The following DDX51 variants were observed in gnomAD, a reference collection of about 807,000 sequenced individuals.
DDX51 encodes DEAD-box helicase 51, also known as ATP-dependent RNA helicase DDX51.
Under a neutral mutation model 74.6 loss-of-function variants are expected in DDX51, and 67 were observed. The ratio of observed to expected loss-of-function variants is 0.90; its 90% CI spans 0.74 to 1.10. DDX51 has a LOEUF of 1.10. Among genes scored for constraint, DDX51 ranks in the 50% least tolerant of loss-of-function variants. DDX51 has a pLI of 0.00. For synonymous variants in DDX51, 545 were observed against 402.9 expected (o/e 1.35, Z -4.22); for missense variants, 1,056 against 905.2 (o/e 1.17, Z -2.14).
chr12:132,141,635 G>C, intron 6 of DDX51, 29 bp from the exon 7 acceptor site: 1 of 1,546,560 alleles, frequency 6.5e-7, no homozygotes, highest in Non-Finnish European at 8.7e-7. Context: ...CTCGAGAGAA[G>C]GAAGCTTTCT....
At chr12:132,139,446 G>A in intron 14 of DDX51, 148 bp from the exon 15 acceptor site, 2 of 1,511,178 alleles carry the variant, frequency 1.3e-6, no homozygotes. Flanking sequence ...CCTCCCTGGT[G>A]CCACGTGTTT....
rs1385313366 is a variant in DDX51, at chr12:132,138,682, C to T, written c.*590G>A. On this transcript the variant is annotated 3_prime_UTR_variant, in exon 15 of 15. Coordinates refer to ENST00000397333, the MANE Select transcript of DDX51 (RefSeq NM_175066.4). ...TTGCCCAGGCTGGAGTGCAGTGGCG[C>T]AATCTCAGCTCACTGCAACCTCCAC... The T allele has an allele frequency of 4.0e-5, 6 of 149,834 alleles. No homozygotes were observed. The highest frequency in any genetic ancestry group is 1.5e-4 in the African/African-American group (6 of 40,368). The allele number at this position is 149,834 out of a possible 1,614,324, so 9.3% of individuals were successfully genotyped here.
Position 132,140,110 on chromosome 12 carries a change from G to T in DDX51, c.1763C>A (p.Thr588Asn). The change falls in exon 12 of 15, where the codon ACC (threonine) becomes AAC (asparagine). Residue 588 changes from threonine (T) to asparagine (N), a missense_variant. Thr to Asn is a moderately conservative substitution (Grantham distance 65, BLOSUM62 0). Coordinates refer to ENST00000397333, the MANE Select transcript of DDX51 (RefSeq NM_175066.4). Reference sequence around the variant, plus strand: ...CGCCAGCGCTCACCGGTGCACGTAGGTTCTCAGGTACTGGGGGGCGTCGTA... The same window carrying T: ...CGCCAGCGCTCACCGGTGCACGTAGTTTCTCAGGTACTGGGGGGCGTCGTA... ...VNYDAPQYLR[T>N]YVHRVGRTAR... is the part of the protein sequence containing the mutation. 6.2e-7 allele frequency: 1 copy of T among 1,612,810 alleles called. No homozygotes were observed. Among genetic ancestry groups the T allele is most frequent in the Non-Finnish European group, 8.5e-7 (1 of 1,179,960 alleles).
In DDX51 at chr12:132,142,416, G is replaced by C; in HGVS notation, c.677C>G (p.Ala226Gly). 1 of 1,611,986 alleles carries C rather than the reference G, an allele frequency of 6.2e-7. No homozygotes were observed. Residue 226 changes from alanine to glycine, a missense_variant, in exon 4 of 15, where the codon GCA becomes GGA. Coordinates refer to ENST00000397333, the MANE Select transcript of DDX51 (RefSeq NM_175066.4). ...CTCCAGGAGGGCAGGAATCACAGCTGCCTGGACTGGATGAGGAAAGGCGAG... is the reference window on the plus strand; with the variant it reads ...CTCCAGGAGGGCAGGAATCACAGCTCCCTGGACTGGATGAGGAAAGGCGAG... Reference protein sequence around the residue: ...HGISSYFPVQAAVIPALLESA... With the variant: ...HGISSYFPVQGAVIPALLESA...
rs1897603595 is a variant in DDX51 at position 132,144,120 on chromosome 12, C to T, written c.177G>A (p.Ser59=). The change falls in exon 1 of 15, where the codon TCG becomes TCA. Residue 59 remains serine, a synonymous_variant. Transcript: ENST00000397333. ...GTCGCCTCCTGGTCGCCGGCTCGGTCGATGCAGCCGCCTCGGTCTGCGCGG... is the reference window on the plus strand; with the variant it reads ...GTCGCCTCCTGGTCGCCGGCTCGGTTGATGCAGCCGCCTCGGTCTGCGCGG... ...REPAQTEAAA[S]TEPATRRRRR... 43 of 1,208,454 alleles carry T rather than the reference C, an allele frequency of 3.6e-5. No homozygotes were observed. Among genetic ancestry groups the T allele is most frequent in the Middle Eastern group, 6.5e-4 (2 of 3,074 alleles). The allele number at this position is 1,208,454 out of a possible 1,614,324, so 74.9% of individuals were successfully genotyped here. A position where few individuals can be genotyped will look rare whatever the true frequency, so the allele number is the denominator to read the frequency against.
At chr12:132,143,496 C>A in intron 2 of DDX51, 199 bp downstream of exon 2, 2 of 709,354 alleles carry the variant, frequency 2.8e-6, no homozygotes, top group South Asian at 3.9e-5. Context: ...AGGACAGGGG[C>A]AAGCCTAGCA....
rs1322399372 is a variant in DDX51, at chr12:132,143,885, T to C, written c.329A>G (p.Glu110Gly). ...GAESNEEAPGEPSAGSSEEAP... is the reference protein window; with the variant it reads ...GAESNEEAPGGPSAGSSEEAP... ...CTCCTCGCTGCTCCCTGCGCTGGGCTCCCCTGGCGCCTCCTCGTTGCTTTC... is the reference window on the plus strand; with the variant it reads ...CTCCTCGCTGCTCCCTGCGCTGGGCCCCCCTGGCGCCTCCTCGTTGCTTTC... Residue 110 changes from glutamate (E) to glycine (G), a missense_variant, in exon 2 of 15, where the codon GAG becomes GGG. Physicochemically the swap from Glu to Gly is moderately conservative, Grantham distance 98. Transcript: ENST00000397333. The C allele has an allele frequency of 2.0e-6, 3 of 1,512,320 alleles. No homozygotes were observed. In the South Asian group the frequency reaches 3.6e-5, roughly 18 times the overall value. 93.7% of individuals were successfully genotyped at this position (1,512,320 alleles called of 1,614,324 possible).
chr12:132,141,697 C>A, intron 6 of DDX51, 91 bp from the exon 7 acceptor site: 1 of 1,486,676 alleles, frequency 6.7e-7, no homozygotes, highest in East Asian at 2.3e-5. Context: ...CCCGACTCCA[C>A]CCCACATGGG....
chr12:132,141,477 GC>G lies in DDX51; in HGVS notation c.1104+20del. The G allele has an allele frequency of 6.3e-7, 1 of 1,581,800 alleles. No homozygotes were observed. Among genetic ancestry groups the G allele is most frequent in the Non-Finnish European group, 8.6e-7 (1 of 1,167,050 alleles). ...GCGCGGCCCTGAGCTCAAAGCCCAG[GC>G]CCCTGGGGCGGGGACCTACCAGGAA... On this transcript the variant is annotated intron_variant, in intron 7 of 14. Transcript: ENST00000397333.
In DDX51 at chr12:132,144,194, G is replaced by A; in HGVS notation, c.103C>T (p.Leu35Phe). 1.7e-6 allele frequency: 2 copies of A among 1,182,568 alleles called. No individual in the cohort carries two copies. The highest frequency in any genetic ancestry group is 7.5e-5 in the East Asian group (2 of 26,718). 73.3% of individuals were successfully genotyped at this position (1,182,568 alleles called of 1,614,324 possible). Reference sequence around the variant, plus strand: ...CGGGCCCGGCTCTGCAGCCGCTCGAGCAGCGCGCGGGCCCTGCCGTGCGCC... The same window carrying A: ...CGGGCCCGGCTCTGCAGCCGCTCGAACAGCGCGCGGGCCCTGCCGTGCGCC... ...AGAHGRARAL[L>F]ERLQSRARER... Residue 35 changes from leucine (L) to phenylalanine (F), a missense_variant, in exon 1 of 15, where the codon CTC becomes TTC. Coordinates refer to ENST00000397333, the MANE Select transcript of DDX51 (RefSeq NM_175066.4).
intron 6 of DDX51, 36 bp from the exon 7 acceptor site, chr12:132,141,642 T>C: frequency 1.3e-6 from 2 of 1,541,344 alleles, no homozygotes; most frequent in African/African-American, 2.8e-5. Flanking sequence ...GAAGGAAGCT[T>C]TCTCAAGGGC....
Position 132,141,970 on chromosome 12 carries a change from C to T in DDX51, c.889-14G>A. 3.7e-6 allele frequency: 6 copies of T among 1,612,190 alleles called. No homozygotes were observed. Among genetic ancestry groups the T allele is most frequent in the Non-Finnish European group, 5.1e-6 (6 of 1,179,332 alleles). On this transcript the variant is annotated splice_polypyrimidine_tract_variant and intron_variant, in intron 5 of 14. Transcript: ENST00000397333. The stretch of plus-strand genomic sequence containing the variant: ...AACTTTGCTCACCTGCAGGAGAAGT[C>T]TGTCACTGGCCTGGAGGTAGCTGGT...
Position 132,140,888 on chromosome 12 carries a change from C to T in DDX51, c.1383G>A (p.Leu461=), listed in dbSNP as rs1180966761. 1 of 1,613,552 alleles carries T rather than the reference C, an allele frequency of 6.2e-7. No homozygotes were observed. The highest frequency in any genetic ancestry group is 1.1e-5 in the South Asian group (1 of 91,082). The part of the protein sequence containing the change: ...LFSTGLAHRG[L]EDTDGDGDSG... The stretch of plus-strand genomic sequence containing the variant: ...AATCCCCGTCCCCATCTGTATCTTC[C>T]AGGCCCCTGTGTGCTAGCCCTGTGG... The change falls in exon 9 of 15, where the codon CTG becomes CTA. Residue 461 remains leucine (L), a synonymous_variant. Coordinates refer to ENST00000397333, the MANE Select transcript of DDX51 (RefSeq NM_175066.4).
intron 14 of DDX51, 107 bp downstream of exon 14, chr12:132,139,528 G>A: frequency 6.2e-7 from 1 of 1,600,328 alleles, no homozygotes; most frequent in East Asian, 2.2e-5. Context: ...ACCCTCTGTT[G>A]CCTTCTCGCT....
intron 14 of DDX51, 125 bp from the exon 15 acceptor site, chr12:132,139,423 C>T (rs1035087035): frequency 1.5e-5 from 23 of 1,527,762 alleles, no homozygotes; most frequent in African/African-American, 2.7e-5. Context: ...CAGGCCCTGG[C>T]CCCGCTGACA....
chr12:132,142,476 C>T (rs1208942604), intron 3 of DDX51, 54 bp from the exon 4 acceptor site: 3 of 1,581,526 alleles, frequency 1.9e-6, no homozygotes, highest in African/African-American at 2.7e-5. Context: ...CCTAGGCCTG[C>T]CGCTTCCCTG....
At chr12:132,140,021 G>A (rs1455383851) in intron 12 of DDX51, 77 bp downstream of exon 12, 21 of 1,606,386 alleles carry the variant, frequency 1.3e-5, no homozygotes, top group East Asian at 4.5e-5. Context: ...CCCCACGCCA[G>A]TCAAGACGGT....
In DDX51 at chr12:132,138,987, C is replaced by T. The variant is rs560563665; in HGVS notation, c.*285G>A. ...TCTCAGCAAAAGCATGACGGGTGCC[C>T]GCGTCCGTCTGGGAGTACTTTTCAC... is the stretch of plus-strand genomic sequence containing the variant. On this transcript the variant is annotated 3_prime_UTR_variant, in exon 15 of 15. Coordinates refer to ENST00000397333, the MANE Select transcript of DDX51 (RefSeq NM_175066.4). 30 of 473,692 alleles carry T rather than the reference C, an allele frequency of 6.3e-5. No homozygotes were observed. Among genetic ancestry groups the T allele is most frequent in the South Asian group, 4.4e-4 (10 of 22,520 alleles). The allele number at this position is 473,692 out of a possible 1,614,324, so 29.3% of individuals were successfully genotyped here.
Position 132,142,769 on chromosome 12 carries a change from T to C in DDX51, c.629A>G (p.Gln210Arg). Residue 210 changes from glutamine to arginine, a missense_variant, in exon 3 of 15, where the codon CAG (glutamine) becomes CGG (arginine). Transcript: ENST00000397333. ...GATGCCGTGTGCCCGCAGCTGCTTC[T>C]GCAGGTCAGGATGGACGTCAGGGAT... The part of the protein sequence containing the change: ...EDIPDVHPDL[Q>R]KQLRAHGISS... 1 of 1,613,046 alleles carries C rather than the reference T, an allele frequency of 6.2e-7. No individual in the cohort carries two copies. The highest frequency in any genetic ancestry group is 8.5e-7 in the Non-Finnish European group (1 of 1,180,008).
Sources: allele counts gnomAD v4.1 joint callset, GRCh38; gene constraint gnomAD v4.1.1; transcripts MANE v1.5; gene names NCBI Gene and HGNC (gene_info 2026-07-23, HGNC 2026-07-21).